SESN3: variants seen among roughly 807,000 people sequenced by gnomAD.
The protein encoded by SESN3 is sestrin 3, also known as sestrin-3.
Under a neutral mutation model 55.3 loss-of-function variants are expected in SESN3, and 21 were observed. That is an observed-to-expected ratio of 0.38 (90% confidence interval 0.27 to 0.55). The LOEUF (loss-of-function observed/expected upper bound fraction) is 0.55, where lower values mean the gene tolerates loss of function less well. Among genes scored for constraint, SESN3 ranks in the 20% least tolerant of loss-of-function variants. The pLI is 0.76. For missense variants in SESN3, 408 were observed against 604.3 expected (o/e 0.68, Z 3.41); for synonymous variants, 181 against 203.1 (o/e 0.89, Z 0.93).
At chr11:95,209,353 C>A (rs967849553) in intron 1 of SESN3, among the ~76,000 whole-genome samples, 1 of 151,128 alleles carries the variant, frequency 6.6e-6, no homozygotes, top group African/African-American at 2.4e-5. Flanking sequence ...AAATGCAAAT[C>A]AAAAACACAT....
chr11:95,225,505 T>C (rs923774351), intron 1 of SESN3, among the ~76,000 whole-genome samples: 3 of 152,146 alleles, frequency 2.0e-5, no homozygotes, highest in African/African-American at 7.2e-5. Flanking sequence ...AAGCTGGGAG[T>C]AGGGATATTC....
chr11:95,194,924 A>G (rs1860333547), intron 1 of SESN3, among the ~76,000 whole-genome samples: 1 of 152,156 alleles, frequency 6.6e-6, no homozygotes. Flanking sequence ...ACCTCATCTC[A>G]CAAAACCACC....
rs745968526 is a variant in SESN3, at chr11:95,191,527, G to A, written c.219C>T (p.Asp73=). 4 of 1,612,844 alleles carry A rather than the reference G, an allele frequency of 2.5e-6. No individual in the cohort carries two copies. Among genetic ancestry groups the A allele is most frequent in the Non-Finnish European group, 3.4e-6 (4 of 1,179,284 alleles). Residue 73 remains aspartate, a synonymous_variant, in exon 3 of 10, where the codon GAC becomes GAT. Coordinates refer to ENST00000536441, the MANE Select transcript of SESN3 (RefSeq NM_144665.4). ...VEEYSTSGRL[D]NITQVMSLHT... is the part of the protein sequence containing the mutation. Reference sequence around the variant, plus strand: ...GTAAACTCATGACCTGTGTGATGTTGTCCAGACGACCGGATGTAGAGTATT... The same window carrying A: ...GTAAACTCATGACCTGTGTGATGTTATCCAGACGACCGGATGTAGAGTATT...
intron 1 of SESN3, among the ~76,000 whole-genome samples, chr11:95,201,535 C>T (rs1283964821): frequency 1.3e-5 from 2 of 151,962 alleles, no homozygotes; most frequent in Admixed American, 6.6e-5. Context: ...GTTCTAAGTG[C>T]AAACAAGTTG....
chr11:95,230,696 C>T lies in SESN3; in HGVS notation c.78+87G>A, dbSNP rs1039813076. On this transcript the variant is annotated intron_variant, in intron 1 of 9. Coordinates refer to ENST00000536441, the MANE Select transcript of SESN3 (RefSeq NM_144665.4). This position sits in a 1 kb window ranked among gnomAD's most constrained non-coding sequence, Gnocchi z 4.6. ...GTGCCCGGGGATCCCTCTCAGCCTC[C>T]CCCAGTGCGCGCCCGGGGACGAGCC... 4.2e-6 allele frequency: 4 copies of T among 951,786 alleles called. No individual in the cohort carries two copies. Among genetic ancestry groups the T allele is most frequent in the Non-Finnish European group, 4.9e-6 (3 of 617,520 alleles). The allele number at this position is 951,786 out of a possible 1,614,324, so 59.0% of individuals were successfully genotyped here. A position where few individuals can be genotyped will look rare whatever the true frequency, so the allele number is the denominator to read the frequency against.
Position 95,178,737 on chromosome 11 carries a change from T to C in SESN3, c.1029A>G (p.Glu343=), listed in dbSNP as rs548384430. Residue 343 remains glutamate, a synonymous_variant, in exon 7 of 10, where the codon GAA becomes GAG. Transcript: ENST00000536441. ...FGYEDFARRG[E]EHLPTFRAQD... The stretch of plus-strand genomic sequence containing the variant: ...GAGCTCGGAATGTTGGCAAATGCTC[T>C]TCTCCTCGTCTGGCAAAGTCTTCAT... The C allele has an allele frequency of 1.2e-6, 2 of 1,610,534 alleles. No homozygotes were observed. The highest frequency in any genetic ancestry group is 2.2e-5 in the South Asian group (2 of 91,000).
rs1860130809 is a variant in SESN3, at chr11:95,184,708, GTTC to G, written c.763-117_763-115del. The G allele has an allele frequency of 6.6e-5, 60 of 911,226 alleles. No homozygotes were observed. The South Asian group carries it at 1.0e-3, about 16-fold the overall frequency. 56.4% of individuals were successfully genotyped at this position (911,226 alleles called of 1,614,324 possible). ...ACAGCGGAACAGGCACAGTTATGAAGTTCTTAAGTCGGTTTTTCACCAATTTCA... is the reference window on the plus strand; with the variant it reads ...ACAGCGGAACAGGCACAGTTATGAAGTTAAGTCGGTTTTTCACCAATTTCA... On this transcript the variant is annotated intron_variant, in intron 5 of 9. Transcript: ENST00000536441.
At chr11:95,232,419 C>G (rs1448404361), upstream of SESN3, 1 of 152,314 alleles carries the variant, frequency 6.6e-6, no homozygotes, top group Admixed American at 6.5e-5. Flanking sequence ...TCACTCGTGT[C>G]CTCCGGGCCC....
rs756060777 is a variant in SESN3, at chr11:95,184,593, A to G, written c.764T>C (p.Ile255Thr). Residue 255 changes from isoleucine (I) to threonine (T), a missense_variant and splice_region_variant, in exon 6 of 10, where the codon ATT (isoleucine) becomes ACT (threonine). By Grantham distance (89) the Ile-to-Thr change is moderately conservative. Transcript: ENST00000536441. ...CTCTAGCTCACTTAGAGAATCCACA[A>G]TCTGGAAACAGATAAGATAATGTTG... ...NASLSGSNFG[I>T]VDSLSELEAL... is the part of the protein sequence containing the mutation. 4 of 1,610,990 alleles carry G rather than the reference A, an allele frequency of 2.5e-6. No individual in the cohort carries two copies. Among genetic ancestry groups the G allele is most frequent in the Non-Finnish European group, 1.7e-6 (2 of 1,178,892 alleles).
chr11:95,185,238 ATAGC>A lies in SESN3; in HGVS notation c.762+14_762+17del, dbSNP rs1860141137. 1.4e-6 allele frequency: 2 copies of A among 1,463,332 alleles called. No individual in the cohort carries two copies. The highest frequency in any genetic ancestry group is 1.4e-5 in the African/African-American group (1 of 71,694). 90.6% of individuals were successfully genotyped at this position (1,463,332 alleles called of 1,614,324 possible). On this transcript the variant is annotated intron_variant, in intron 5 of 9. Coordinates refer to ENST00000536441, the MANE Select transcript of SESN3 (RefSeq NM_144665.4). ...TTTAAAGCAAAAATAGTAAAGAAAA[ATAGC>A]TAAGAAAACTAACCCCAAAGTTGCT... is the stretch of plus-strand genomic sequence containing the variant.
chr11:95,175,434 A>G lies in SESN3; in HGVS notation c.1392+64T>C, dbSNP rs1242653856. On this transcript the variant is annotated intron_variant, in intron 9 of 9. Coordinates refer to ENST00000536441, the MANE Select transcript of SESN3 (RefSeq NM_144665.4). ...TTAATACTTTCATGTGTCATTTTTC[A>G]TAACTATTACTTCTTGTACTGAAGA... 5.2e-6 allele frequency: 7 copies of G among 1,335,210 alleles called. No homozygotes were observed. The East Asian group carries it at 7.1e-5, about 14-fold the overall frequency. The allele number at this position is 1,335,210 out of a possible 1,614,324, so 82.7% of individuals were successfully genotyped here.
chr11:95,172,910 G>GT lies in SESN3; in HGVS notation c.*344dup. 1 of 197,474 alleles carries GT rather than the reference G, an allele frequency of 5.1e-6. No individual in the cohort carries two copies. 12.2% of individuals were successfully genotyped at this position (197,474 alleles called of 1,614,324 possible). On this transcript the variant is annotated 3_prime_UTR_variant, in exon 10 of 10. Coordinates refer to ENST00000536441, the MANE Select transcript of SESN3 (RefSeq NM_144665.4). Reference sequence around the variant, plus strand: ...TTATTCTTAAAAAAAAAAGGGCGGGGTGGGGGGAGAAAAAATACACATACA... The same window carrying GT: ...TTATTCTTAAAAAAAAAAGGGCGGGGTTGGGGGGAGAAAAAATACACATACA...
intron 2 of SESN3, among the ~76,000 whole-genome samples, chr11:95,191,930 A>C (rs1019924991): frequency 6.6e-6 from 1 of 152,050 alleles, no homozygotes; most frequent in African/African-American, 2.4e-5. Flanking sequence ...TGTCACACCA[A>C]TGTGTGGTAA....
chr11:95,210,194 A>G (rs1860627711), intron 1 of SESN3, among the ~76,000 whole-genome samples: 1 of 151,234 alleles, frequency 6.6e-6, no homozygotes, highest in South Asian at 2.1e-4. Flanking sequence ...AGGGAGGGGA[A>G]TATCATACAC....
At chr11:95,208,108 T>A (rs1042457737) in intron 1 of SESN3, among the ~76,000 whole-genome samples, 6 of 151,482 alleles carry the variant, frequency 4.0e-5, no homozygotes, top group African/African-American at 1.5e-4. Context: ...TTAAAAAAAA[T>A]GAATCAAGGG....
chr11:95,212,344 C>A (rs1860671773), intron 1 of SESN3, among the ~76,000 whole-genome samples: 1 of 152,072 alleles, frequency 6.6e-6, no homozygotes, highest in South Asian at 2.1e-4. Context: ...TTCTCTCTAA[C>A]CACAGAGTAA....
rs1861037136 is a variant in SESN3 at position 95,230,565 on chromosome 11, A to C, written c.78+218T>G. The C allele has an allele frequency of 1.5e-5, 8 of 534,820 alleles. No individual in the cohort carries two copies. In the South Asian group the frequency reaches 1.8e-4, roughly 12 times the overall value. The allele number at this position is 534,820 out of a possible 1,614,324, so 33.1% of individuals were successfully genotyped here. On this transcript the variant is annotated intron_variant, in intron 1 of 9. Coordinates refer to ENST00000536441, the MANE Select transcript of SESN3 (RefSeq NM_144665.4). The surrounding 1 kb of genome is among the most constrained non-coding windows in gnomAD (Gnocchi z 4.6). The stretch of plus-strand genomic sequence containing the variant: ...GGAACAAGGGAAGAAAAAATATCCC[A>C]ACCCCTCCAGACTTGGGTCTGTCCC...
Position 95,173,076 on chromosome 11 carries a change from A to G in SESN3, c.*179T>C, listed in dbSNP as rs377140390. The G allele has an allele frequency of 2.1e-6, 1 of 470,230 alleles. No homozygotes were observed. 29.1% of individuals were successfully genotyped at this position (470,230 alleles called of 1,614,324 possible). On this transcript the variant is annotated 3_prime_UTR_variant, in exon 10 of 10. Transcript: ENST00000536441. ...CAATTGTTAGTAATGTTAAGCATCA[A>G]GGAAAATAAAACACATCATTGCACA...
rs528765985 is a variant in SESN3, at chr11:95,176,783, C to T, written c.1247+936G>A. Among the ~76,000 whole-genome samples the T allele has an allele frequency of 3.3e-5, 5 of 151,990 alleles. No individual in the cohort carries two copies. The South Asian group carries it at 6.2e-4, about 19-fold the overall frequency. On this transcript the variant is annotated intron_variant, in intron 8 of 9. Transcript: ENST00000536441. ...TTATTGCATTTAAATTGAGTTTTAT[C>T]GGTGTTTATTTTTCTTAAGTAGGTA...
Sources: gnomAD v4.1 joint callset for allele counts (sites outside exome capture counted in the v4.1 genomes callset) on GRCh38, gnomAD v4.1.1 for gene constraint, Gnocchi (gnomAD v3.1) non-coding constraint, MANE v1.5 for transcripts, NCBI Gene and HGNC (gene_info 2026-07-23, HGNC 2026-07-21) for gene names.